CTNNBIP1: variants seen among roughly 807,000 people sequenced by gnomAD.
CTNNBIP1 encodes the protein catenin beta interacting protein 1, also known as beta-catenin-interacting protein 1.
In CTNNBIP1, 7 loss-of-function variants were observed where a neutral mutation model predicts 11.8. That is an observed-to-expected ratio of 0.60 (90% CI 0.34 to 1.12). The LOEUF (loss-of-function observed/expected upper bound fraction) is 1.12. Ranked by LOEUF, CTNNBIP1 falls within the 50% of genes most tolerant of loss-of-function variation. The probability of loss-of-function intolerance (pLI) is 0.03; values close to 1 mark genes in which losing one functional copy is unlikely to be tolerated. For synonymous variants in CTNNBIP1, 58 were observed against 43.9 expected, an observed-to-expected ratio of 1.32 and a Z score of -1.26; for missense variants, 101 against 113.4, an observed-to-expected ratio of 0.89 and a Z score of 0.50.
At chr1:9,899,127 G>C (rs1436010881) in intron 1 of CTNNBIP1, among the ~76,000 whole-genome samples, 1 of 152,156 alleles carries the variant, frequency 6.6e-6, no homozygotes, top group Non-Finnish European at 1.5e-5. Context: ...GGATATGGAA[G>C]GCTGACTAAG....
At chr1:9,904,985 AG>A (rs1229865507) in intron 1 of CTNNBIP1, among the ~76,000 whole-genome samples, 1 of 152,176 alleles carries the variant, frequency 6.6e-6, no homozygotes, top group Non-Finnish European at 1.5e-5. Context: ...TCAGGGGACC[AG>A]GCCAGAGAAA....
intron 5 of CTNNBIP1, among the ~76,000 whole-genome samples, chr1:9,856,502 C>T (rs752443952): frequency 9.1e-4 from 135 of 148,224 alleles, no homozygotes; most frequent in Non-Finnish European, 1.6e-3. Context: ...ACGCAAAATA[C>T]GTAAAAAATT....
At position 9,867,129 on chromosome 1, in the gene CTNNBIP1, T is replaced by C. The variant is rs1472312327; in HGVS notation, c.187+4058A>G. ...ACAGGGAGAAGAGAGGGGGCAACCC[T>C]GGAGGATGACAGCCCTGATTGAGGG... On this transcript the variant is annotated intron_variant, in intron 5 of 5. Coordinates refer to ENST00000377263, the MANE Select transcript of CTNNBIP1 (RefSeq NM_020248.3). This position sits in a 1 kb window ranked among gnomAD's most constrained non-coding sequence, Gnocchi z 4.6. 2.0e-5 allele frequency among the ~76,000 whole-genome samples: 3 copies of C among 152,094 alleles called. No homozygotes were observed. Among genetic ancestry groups the C allele is most frequent in the African/African-American group, 4.8e-5 (2 of 41,424 alleles).
At chr1:9,899,195 C>T (rs1235131523) in intron 1 of CTNNBIP1, among the ~76,000 whole-genome samples, 2 of 152,192 alleles carry the variant, frequency 1.3e-5, no homozygotes, top group Non-Finnish European at 2.9e-5. Flanking sequence ...GTGGCTCACG[C>T]CTGTGATCCC....
rs1041197162 is a variant in CTNNBIP1 at position 9,848,852 on chromosome 1, A to G, written c.*1866T>C. On this transcript the variant is annotated 3_prime_UTR_variant, in exon 6 of 6. Transcript: ENST00000377263. The surrounding 1 kb of genome is among the most constrained non-coding windows in gnomAD (Gnocchi z 4.3). ...GATGCTCGAATCCTCCTTCTGGAAC[A>G]GGCTGATGGTGCCAGAGCACAGCAC... 2 of 152,320 alleles carry G rather than the reference A, an allele frequency of 1.3e-5. No homozygotes were observed. Among genetic ancestry groups the G allele is most frequent in the Non-Finnish European group, 2.9e-5 (2 of 68,104 alleles). 9.4% of individuals were successfully genotyped at this position (152,320 alleles called of 1,614,324 possible). A position where few individuals can be genotyped will look rare whatever the true frequency, so the allele number is the denominator to read the frequency against.
Position 9,849,654 on chromosome 1 carries a change from C to A in CTNNBIP1, c.*1064G>T, listed in dbSNP as rs1638333478. 1 of 152,312 alleles carries A rather than the reference C, an allele frequency of 6.6e-6. No individual in the cohort carries two copies. The highest frequency in any genetic ancestry group is 6.5e-5 in the Admixed American group (1 of 15,274). 9.4% of individuals were successfully genotyped at this position (152,312 alleles called of 1,614,324 possible). On this transcript the variant is annotated 3_prime_UTR_variant, in exon 6 of 6. Transcript: ENST00000377263. ...CTCCTCCCCTTTCCAAGATGACCCC[C>A]AAAATGAGGCCTCAGGAAGTGGTAC...
chr1:9,857,671 C>T (rs1234480343), intron 5 of CTNNBIP1, among the ~76,000 whole-genome samples: 4 of 151,648 alleles, frequency 2.6e-5, no homozygotes, highest in African/African-American at 7.3e-5. Context: ...TGTGGTGGTG[C>T]GCTCCTGTAG....
At chr1:9,902,647 TCTC>T (rs1305716688) in intron 1 of CTNNBIP1, among the ~76,000 whole-genome samples, 1 of 152,202 alleles carries the variant, frequency 6.6e-6, no homozygotes, top group African/African-American at 2.4e-5. Flanking sequence ...ATGTCCTGAC[TCTC>T]CTCCTAAGAG....
intron 5 of CTNNBIP1, among the ~76,000 whole-genome samples, chr1:9,860,925 G>A (rs968854979): frequency 2.0e-5 from 3 of 152,178 alleles, no homozygotes; most frequent in Non-Finnish European, 2.9e-5. Context: ...TGGCTGATGC[G>A]GGGAGCTCCC....
chr1:9,876,718 G>A (rs373404668), intron 3 of CTNNBIP1, among the ~76,000 whole-genome samples: 5 of 152,118 alleles, frequency 3.3e-5, no homozygotes, highest in African/African-American at 1.2e-4. Context: ...TATGTAGTAG[G>A]CAACCACACA....
chr1:9,862,142 T>C (rs1046413181), intron 5 of CTNNBIP1, among the ~76,000 whole-genome samples: 1 of 151,204 alleles, frequency 6.6e-6, no homozygotes, highest in African/African-American at 2.4e-5. Context: ...TTCCCCAAAA[T>C]ATAAGCTCTC....
chr1:9,868,425 C>T (rs1250318851), intron 5 of CTNNBIP1, among the ~76,000 whole-genome samples: 2 of 152,240 alleles, frequency 1.3e-5, no homozygotes, highest in Non-Finnish European at 2.9e-5. Context: ...TAAGTGGGGT[C>T]ACTGACCTTC....
At position 9,849,565 on chromosome 1, in the gene CTNNBIP1, C is replaced by G. The variant is rs1638330911; in HGVS notation, c.*1153G>C. On this transcript the variant is annotated 3_prime_UTR_variant, in exon 6 of 6. Coordinates refer to ENST00000377263, the MANE Select transcript of CTNNBIP1 (RefSeq NM_020248.3). Reference sequence around the variant, plus strand: ...CCAAGCTGGGGCTTTTATGTGGGTTCTGGGCTCCCAGAGACCTCCGCCAGA... The same window carrying G: ...CCAAGCTGGGGCTTTTATGTGGGTTGTGGGCTCCCAGAGACCTCCGCCAGA... The G allele has an allele frequency of 6.6e-6, 1 of 152,236 alleles. No homozygotes were observed. The highest frequency in any genetic ancestry group is 2.4e-5 in the African/African-American group (1 of 41,450). The allele number at this position is 152,236 out of a possible 1,614,324, so 9.4% of individuals were successfully genotyped here. A position where few individuals can be genotyped will look rare whatever the true frequency, so the allele number is the denominator to read the frequency against.
In CTNNBIP1 at chr1:9,910,255, C is replaced by A; in HGVS notation, c.-304G>T. On this transcript the variant is annotated 5_prime_UTR_variant, in exon 1 of 6. Transcript: ENST00000377263. ...AGCCTCCGCCTCCCGCTCCGAGAGTCACCGCGGTGGGGAGGGAGGGAGGCG... is the reference window on the plus strand; with the variant it reads ...AGCCTCCGCCTCCCGCTCCGAGAGTAACCGCGGTGGGGAGGGAGGGAGGCG... 6.8e-6 allele frequency: 1 copy of A among 147,822 alleles called. No homozygotes were observed. The highest frequency in any genetic ancestry group is 1.9e-4 in the South Asian group (1 of 5,196). The allele number at this position is 147,822 out of a possible 1,614,324, so 9.2% of individuals were successfully genotyped here.
At chr1:9,853,823 G>A (rs559774932) in intron 5 of CTNNBIP1, among the ~76,000 whole-genome samples, 2 of 152,264 alleles carry the variant, frequency 1.3e-5, no homozygotes, top group Non-Finnish European at 2.9e-5. Flanking sequence ...GCCAAAACCC[G>A]ATGACAGTAT....
At chr1:9,865,605 AAAAAC>A (rs1638728250) in intron 5 of CTNNBIP1, among the ~76,000 whole-genome samples, 2 of 152,218 alleles carry the variant, frequency 1.3e-5, no homozygotes, top group Non-Finnish European at 2.9e-5. Context: ...CTCTGTCTCA[AAAAAC>A]AAAACAAAAC....
At position 9,871,935 on chromosome 1, in the gene CTNNBIP1, G is replaced by C; in HGVS notation, c.96+34C>G. The C allele has an allele frequency of 6.3e-7, 1 of 1,586,990 alleles. No homozygotes were observed. The highest frequency in any genetic ancestry group is 8.7e-7 in the Non-Finnish European group (1 of 1,155,448). On this transcript the variant is annotated intron_variant, in intron 4 of 5. Coordinates refer to ENST00000377263, the MANE Select transcript of CTNNBIP1 (RefSeq NM_020248.3). The surrounding 1 kb of genome is among the most constrained non-coding windows in gnomAD (Gnocchi z 5.2). ...GCCCCTCCCTGGGAGACCCTCCCTG[G>C]GGGCCCGCTGCCTGACACCCCACAG... is the stretch of plus-strand genomic sequence containing the variant.
chr1:9,907,406 G>C (rs904591656), intron 1 of CTNNBIP1, among the ~76,000 whole-genome samples: 5 of 152,206 alleles, frequency 3.3e-5, no homozygotes, highest in Non-Finnish European at 5.9e-5. Context: ...CCTGACCTCA[G>C]GTGATCCGCC....
chr1:9,879,195 T>G (rs1639032620), intron 2 of CTNNBIP1, among the ~76,000 whole-genome samples: 1 of 137,800 alleles, frequency 7.3e-6, no homozygotes, highest in Admixed American at 6.9e-5. Flanking sequence ...AGACTCCATC[T>G]CAAAAAAAAA....
Sources: allele counts gnomAD v4.1 joint callset (sites outside exome capture counted in the v4.1 genomes callset), GRCh38; gene constraint gnomAD v4.1.1; non-coding constraint Gnocchi (gnomAD v3.1); transcripts MANE v1.5; gene names NCBI Gene and HGNC (gene_info 2026-07-23, HGNC 2026-07-21).